Variants in CCSER1 observed in about 807,000 individuals in gnomAD.
CCSER1 encodes the protein serine-rich coiled-coil domain-containing protein 1.
Under a neutral mutation model 82.0 loss-of-function variants are expected in CCSER1, and 41 were observed. The observed-to-expected ratio is 0.50, with a 90% CI of 0.39 to 0.65. The LOEUF is 0.65. Ranked by LOEUF, CCSER1 falls within the 30% of genes least tolerant of loss-of-function variation. The pLI is 0.00. For missense variants in CCSER1, 1,119 were observed against 1,064.2 expected, an observed-to-expected ratio of 1.05 and a Z score of -0.72; for synonymous variants, 414 against 383.9, an observed-to-expected ratio of 1.08 and a Z score of -0.92.
At chr4:91,004,287 G>A (rs1354660550) in intron 9 of CCSER1, among the ~76,000 whole-genome samples, 1 of 152,122 alleles carries the variant, frequency 6.6e-6, no homozygotes, top group Non-Finnish European at 1.5e-5. Context: ...ATGGAAAGAC[G>A]ATGGGCCAGG....
chr4:91,388,378 A>G (rs543051348), intron 10 of CCSER1, among the ~76,000 whole-genome samples: 1 of 152,202 alleles, frequency 6.6e-6, no homozygotes, highest in African/African-American at 2.4e-5. Context: ...TAATTGTACC[A>G]TTATCTGAGT....
At chr4:90,841,153 T>C (rs563506680) in intron 8 of CCSER1, among the ~76,000 whole-genome samples, 6 of 152,094 alleles carry the variant, frequency 3.9e-5, no homozygotes, top group African/African-American at 1.4e-4. Context: ...TGTAGAAGCT[T>C]GAGAATGGCA....
rs535285419 is a variant in CCSER1, at chr4:90,683,387, A to G, written c.1933-40527A>G. On this transcript the variant is annotated intron_variant, in intron 6 of 10. Coordinates refer to ENST00000509176, the MANE Select transcript of CCSER1 (RefSeq NM_001145065.2). ...AGCTATTTTGCTACTAACAGCAATCATATTACTCTTAAGTTAATCCATCTT... is the reference window on the plus strand; with the variant it reads ...AGCTATTTTGCTACTAACAGCAATCGTATTACTCTTAAGTTAATCCATCTT... 1.1e-4 allele frequency among the ~76,000 whole-genome samples: 16 copies of G among 152,194 alleles called. No homozygotes were observed. In the South Asian group the frequency reaches 3.1e-3, roughly 30 times the overall value.
In CCSER1 at chr4:91,272,743, C is replaced by T. The variant is rs1215813329; in HGVS notation, c.2217+186749C>T. 2.0e-5 allele frequency among the ~76,000 whole-genome samples: 3 copies of T among 152,152 alleles called. No homozygotes were observed. The East Asian group carries it at 5.8e-4, about 29-fold the overall frequency. On this transcript the variant is annotated intron_variant, in intron 10 of 10. Transcript: ENST00000509176. ...ATAGTTTCAGGTCTTAGATTTAAGT[C>T]CTTGATTCATCTTGAGTTTATTTTT... is the stretch of plus-strand genomic sequence containing the variant.
intron 1 of CCSER1, among the ~76,000 whole-genome samples, chr4:90,168,328 T>A (rs554757793): frequency 4.6e-5 from 7 of 152,246 alleles, no homozygotes; most frequent in Admixed American, 3.9e-4. Flanking sequence ...GGTTGTTTGT[T>A]TTTTTCTTGT....
At chr4:90,473,146 A>G (rs1468041305) in intron 5 of CCSER1, among the ~76,000 whole-genome samples, 1 of 152,204 alleles carries the variant, frequency 6.6e-6, no homozygotes, top group Non-Finnish European at 1.5e-5. Context: ...TGAAATGTAC[A>G]TAGAACTCAA....
At chr4:91,251,709 T>C (rs1328175499) in intron 10 of CCSER1, among the ~76,000 whole-genome samples, 1 of 152,204 alleles carries the variant, frequency 6.6e-6, no homozygotes, top group Non-Finnish European at 1.5e-5. Flanking sequence ...ATTACATTTG[T>C]TCATTTAAAT....
At chr4:90,903,157 G>T (rs1724918600) in intron 8 of CCSER1, among the ~76,000 whole-genome samples, 1 of 152,064 alleles carries the variant, frequency 6.6e-6, no homozygotes, top group Non-Finnish European at 1.5e-5. Flanking sequence ...TGGTTTGGCT[G>T]TGTCCCTCTC....
intron 10 of CCSER1, among the ~76,000 whole-genome samples, chr4:91,398,991 A>C (rs545236655): frequency 6.6e-6 from 1 of 152,068 alleles, no homozygotes; most frequent in East Asian, 1.9e-4. Flanking sequence ...ACTATACACT[A>C]GTAATAGATA....
At chr4:91,533,821 C>T (rs532194753) in intron 10 of CCSER1, among the ~76,000 whole-genome samples, 1 of 151,948 alleles carries the variant, frequency 6.6e-6, no homozygotes, top group South Asian at 2.1e-4. Flanking sequence ...AAACATTATT[C>T]ATTCACCTGG....
chr4:90,658,695 T>G (rs1380150667), intron 6 of CCSER1, among the ~76,000 whole-genome samples: 2 of 152,302 alleles, frequency 1.3e-5, no homozygotes, highest in African/African-American at 4.8e-5. Flanking sequence ...TCTCTATTAC[T>G]CCCCTCTAGG....
intron 1 of CCSER1, among the ~76,000 whole-genome samples, chr4:90,155,994 C>T (rs373000115): frequency 6.6e-6 from 1 of 151,504 alleles, no homozygotes; most frequent in South Asian, 2.1e-4. Flanking sequence ...TTTCCTGCTT[C>T]CTCTTGTGGG....
In CCSER1 at chr4:90,308,215, CTTG is replaced by C. The variant is rs576541630; in HGVS notation, c.-41-23_-41-21del. The C allele has an allele frequency of 4.3e-4, 607 of 1,414,514 alleles. 1 individual carries two copies. In the African/African-American group the frequency reaches 7.8e-3, roughly 18 times the overall value. The allele number at this position is 1,414,514 out of a possible 1,614,324, so 87.6% of individuals were successfully genotyped here. A position where few individuals can be genotyped will look rare whatever the true frequency, so the allele number is the denominator to read the frequency against. On this transcript the variant is annotated intron_variant, in intron 1 of 10. Coordinates refer to ENST00000509176, the MANE Select transcript of CCSER1 (RefSeq NM_001145065.2). ...ATTATTTGTAGTTGAATTCTATTGA[CTTG>C]TTGTTTTTGTTTTAACCTTTCTCAG...
At chr4:90,933,028 G>GAAAGAAAGAAAGAAAGAAAGAAAGA in intron 9 of CCSER1, among the ~76,000 whole-genome samples, 1 of 87,070 alleles carries the variant, frequency 1.1e-5, no homozygotes. Context: ...AAGAAAGAAA[G>GAAAGAAAGAAAGAAAGAAAGAAAGA]AAAGAAAGAA....
intron 1 of CCSER1, among the ~76,000 whole-genome samples, chr4:90,233,173 C>T (rs186648820): frequency 8.7e-4 from 132 of 152,198 alleles, no homozygotes; most frequent in African/African-American, 3.0e-3. Context: ...AGACATGACA[C>T]GTATGTTTAT....
At chr4:91,472,993 G>A (rs1356772187) in intron 10 of CCSER1, among the ~76,000 whole-genome samples, 1 of 152,150 alleles carries the variant, frequency 6.6e-6, no homozygotes, top group African/African-American at 2.4e-5. Flanking sequence ...GACAGTCTGT[G>A]ATCTGTGTTA....
chr4:91,131,508 T>A (rs1165555762), intron 10 of CCSER1, among the ~76,000 whole-genome samples: 2 of 152,046 alleles, frequency 1.3e-5, no homozygotes, highest in Non-Finnish European at 2.9e-5. Context: ...ATATAATACC[T>A]TTGTGATCAG....
intron 8 of CCSER1, chr4:90,838,927 C>T (rs1580719437): frequency 6.2e-7 from 1 of 1,613,360 alleles, no homozygotes. Flanking sequence ...CTTGCTTCTC[C>T]TGTTCAATCG....
At position 91,385,907 on chromosome 4, in the gene CCSER1, T is replaced by C. The variant is rs187265437; in HGVS notation, c.2218-212665T>C. Among the ~76,000 whole-genome samples the C allele has an allele frequency of 3.4e-3, 512 of 152,098 alleles. 4 individuals are homozygous for C. Among genetic ancestry groups the C allele is most frequent in the African/African-American group, 0.012 (481 of 41,542 alleles). On this transcript the variant is annotated intron_variant, in intron 10 of 10. Transcript: ENST00000509176. The stretch of plus-strand genomic sequence containing the variant: ...AGTCATGATTTCGGATACATATGTG[T>C]ATGTTTGTTTTTACATACATATAAA...
Sources: gnomAD v4.1 joint callset for allele counts (sites outside exome capture counted in the v4.1 genomes callset) on GRCh38, gnomAD v4.1.1 for gene constraint, MANE v1.5 for transcripts, NCBI Gene and HGNC (gene_info 2026-07-23, HGNC 2026-07-21) for gene names.